GALNT13: variants seen among roughly 807,000 people sequenced by gnomAD.
GALNT13 encodes the protein UDP-GalNAc:polypeptide N-acetylgalactosaminyltransferase 13.
Under a neutral mutation model 64.2 loss-of-function variants are expected in GALNT13, and 28 were observed. That is an observed-to-expected ratio of 0.44 (90% confidence interval 0.32 to 0.60). GALNT13 has a LOEUF of 0.60. Ranked by LOEUF, GALNT13 falls within the 20% of genes least tolerant of loss-of-function variation. The pLI, the probability that GALNT13 is intolerant of heterozygous loss-of-function variation, is 0.05. For synonymous variants in GALNT13, 214 were observed against 224.6 expected (o/e 0.95, Z 0.42); for missense variants, 577 against 669.8 (o/e 0.86, Z 1.53).
chr2:153,819,727 C>T, the GALNT13 span, among the ~76,000 whole-genome samples: 1 of 152,222 alleles, frequency 6.6e-6, no homozygotes, highest in Non-Finnish European at 1.5e-5. Context: ...TCTAACCACA[C>T]AGCCCAATAT....
chr2:154,161,852 C>T (rs1440621076), intron 4 of GALNT13, among the ~76,000 whole-genome samples: 1 of 151,776 alleles, frequency 6.6e-6, no homozygotes, highest in Non-Finnish European at 1.5e-5. Context: ...GCGATCTCAG[C>T]TCACTGCAAG....
chr2:154,162,049 G>A (rs1450308814), intron 4 of GALNT13, among the ~76,000 whole-genome samples: 1 of 152,114 alleles, frequency 6.6e-6, no homozygotes, highest in Admixed American at 6.5e-5. Context: ...CCAAAGTGGT[G>A]GGATTACAGG....
chr2:153,141,434 G>A, the GALNT13 span, among the ~76,000 whole-genome samples: 1 of 152,014 alleles, frequency 6.6e-6, no homozygotes, highest in Admixed American at 6.6e-5. Flanking sequence ...TCCACCCCGT[G>A]AGTTGGGGCA....
chr2:153,145,145 A>G, the GALNT13 span, among the ~76,000 whole-genome samples: 8 of 151,882 alleles, frequency 5.3e-5, no homozygotes, highest in Non-Finnish European at 1.0e-4. Flanking sequence ...CTATGAAAAA[A>G]TTTGTCATCT....
At chr2:153,563,574 T>C in the GALNT13 span, among the ~76,000 whole-genome samples, 1 of 152,144 alleles carries the variant, frequency 6.6e-6, no homozygotes, top group Admixed American at 6.6e-5. Context: ...GAGAGCTTCC[T>C]GTTTTGTTGT....
At chr2:153,542,484 G>C in the GALNT13 span, among the ~76,000 whole-genome samples, 1 of 152,102 alleles carries the variant, frequency 6.6e-6, no homozygotes, top group African/African-American at 2.4e-5. Context: ...TTATAGCAAG[G>C]GGCCAAGTTG....
chr2:154,316,171 A>C (rs1462112719), intron 9 of GALNT13, among the ~76,000 whole-genome samples: 1 of 152,210 alleles, frequency 6.6e-6, no homozygotes, highest in African/African-American at 2.4e-5. Context: ...TGAAGTTAGA[A>C]TGATACTATT....
chr2:154,295,348 T>TTTTA lies in GALNT13; in HGVS notation c.976-6033_976-6030dup, dbSNP rs10530260. ...TTCTCGTTATTGAAAATTCTTTTTATTTTATTTATTTATTTATTTATTTAT... is the reference window on the plus strand; with the variant it reads ...TTCTCGTTATTGAAAATTCTTTTTATTTTATTTATTTATTTATTTATTTATTTAT... On this transcript the variant is annotated intron_variant, in intron 8 of 12. Coordinates refer to ENST00000392825, the MANE Select transcript of GALNT13 (RefSeq NM_052917.4). Among the ~76,000 whole-genome samples, 1,396 of 142,242 alleles carry TTTTA rather than the reference T, an allele frequency of 9.8e-3. 14 individuals are homozygous for TTTTA. Among genetic ancestry groups the TTTTA allele is most frequent in the Middle Eastern group, 0.026 (7 of 274 alleles). The allele number at this position is 142,242 out of a possible 152,430, so 93.3% of individuals were successfully genotyped here.
intron 4 of GALNT13, among the ~76,000 whole-genome samples, chr2:154,208,666 GTGTA>G (rs1490566499): frequency 7.4e-6 from 1 of 134,590 alleles, no homozygotes; most frequent in Non-Finnish European, 1.6e-5. Context: ...GTGTGTGTGT[GTGTA>G]GCTAATTGAA....
At chr2:154,111,314 A>C (rs1388912593) in intron 3 of GALNT13, among the ~76,000 whole-genome samples, 2 of 152,190 alleles carry the variant, frequency 1.3e-5, no homozygotes, top group Non-Finnish European at 2.9e-5. Context: ...GACCTTAATC[A>C]CAGGGCATGG....
chr2:154,308,749 A>G (rs956325159), intron 9 of GALNT13, among the ~76,000 whole-genome samples: 2 of 152,174 alleles, frequency 1.3e-5, no homozygotes, highest in African/African-American at 4.8e-5. Context: ...TGATGAGGAG[A>G]AAATTCTAAA....
At chr2:153,607,748 A>G in the GALNT13 span, among the ~76,000 whole-genome samples, 1 of 152,112 alleles carries the variant, frequency 6.6e-6, no homozygotes, top group African/African-American at 2.4e-5. Flanking sequence ...CTCAGCTATA[A>G]AATATTTTTA....
the GALNT13 span, among the ~76,000 whole-genome samples, chr2:153,153,020 TA>T: frequency 5.3e-5 from 8 of 152,148 alleles, no homozygotes; most frequent in African/African-American, 1.7e-4. Context: ...TTTACACTCC[TA>T]CCAACGGTGT....
intron 8 of GALNT13, among the ~76,000 whole-genome samples, chr2:154,262,786 A>G (rs932552608): frequency 2.0e-5 from 3 of 152,166 alleles, no homozygotes; most frequent in Non-Finnish European, 4.4e-5. Context: ...ATAAGGAAGG[A>G]AAGATTCTAT....
At chr2:153,167,152 T>C in the GALNT13 span, among the ~76,000 whole-genome samples, 1 of 152,224 alleles carries the variant, frequency 6.6e-6, no homozygotes, top group Non-Finnish European at 1.5e-5. Flanking sequence ...GTCTGTGGCA[T>C]GTTGTAGTTT....
the GALNT13 span, among the ~76,000 whole-genome samples, chr2:153,691,542 CTA>C: frequency 2.6e-5 from 4 of 151,894 alleles, no homozygotes; most frequent in African/African-American, 7.2e-5. Flanking sequence ...ATAAAAATTC[CTA>C]TGTGTCAACC....
the GALNT13 span, among the ~76,000 whole-genome samples, chr2:153,539,527 T>C: frequency 6.6e-6 from 1 of 151,964 alleles, no homozygotes; most frequent in African/African-American, 2.4e-5. Context: ...TGGTTTTAGG[T>C]CTAACGTTTA....
At chr2:154,349,806 C>A (rs1197488049) in intron 9 of GALNT13, among the ~76,000 whole-genome samples, 2 of 152,178 alleles carry the variant, frequency 1.3e-5, no homozygotes, top group Non-Finnish European at 1.5e-5. Context: ...GGCCCACAGG[C>A]AATATAAATT....
At chr2:153,609,959 G>A in the GALNT13 span, among the ~76,000 whole-genome samples, 2 of 152,102 alleles carry the variant, frequency 1.3e-5, no homozygotes, top group Admixed American at 6.6e-5. Flanking sequence ...AGCCTTCTTG[G>A]TATGTTTATT....
Sources: allele counts gnomAD v4.1 joint callset (sites outside exome capture counted in the v4.1 genomes callset), GRCh38; gene constraint gnomAD v4.1.1; transcripts MANE v1.5; gene names NCBI Gene and HGNC (gene_info 2026-07-23, HGNC 2026-07-21).